Variants in CTIF observed in about 807,000 individuals in gnomAD.
CTIF encodes the protein CBP80/20-dependent translation initiation factor.
In CTIF, 21 loss-of-function variants were observed where a neutral mutation model predicts 66.0. That is an observed-to-expected ratio of 0.32 (90% CI 0.23 to 0.46). The LOEUF is 0.46. CTIF is among the 20% of genes least tolerant of loss of function. The probability of loss-of-function intolerance (pLI) is 1.00; values close to 1 mark genes in which losing one functional copy is unlikely to be tolerated. For missense variants in CTIF, 739 were observed against 812.7 expected, an observed-to-expected ratio of 0.91 and a Z score of 1.10; for synonymous variants, 345 against 326.4, an observed-to-expected ratio of 1.06 and a Z score of -0.62.
chr18:48,674,916 G>A (rs550675998), intron 6 of CTIF, among the ~76,000 whole-genome samples: 75 of 152,328 alleles, frequency 4.9e-4, no homozygotes, highest in African/African-American at 1.5e-3. Context: ...GAGCAGGTAC[G>A]CTGGGATAGG....
intron 6 of CTIF, among the ~76,000 whole-genome samples, chr18:48,701,530 T>TACCCCAGCCACACTGGGGGC (rs1555676357): frequency 7.3e-5 from 11 of 151,488 alleles, no homozygotes; most frequent in African/African-American, 2.4e-4. Context: ...AGTGCCTCCG[T>TACCCCAGCCACACTGGGGGC]CCCCCAGCCC....
intron 9 of CTIF, among the ~76,000 whole-genome samples, chr18:48,796,198 G>A (rs2067913449): frequency 6.6e-6 from 1 of 150,512 alleles, no homozygotes; most frequent in Admixed American, 6.7e-5. Flanking sequence ...ATTTGAGATG[G>A]AGTCTCACTC....
chr18:48,682,023 TG>T (rs564765936), intron 6 of CTIF, among the ~76,000 whole-genome samples: 6 of 151,978 alleles, frequency 3.9e-5, no homozygotes, highest in Non-Finnish European at 7.4e-5. Context: ...TGAGCTCAGG[TG>T]ATCCACCTGC....
intron 1 of CTIF, among the ~76,000 whole-genome samples, chr18:48,570,259 G>A (rs1337198848): frequency 6.6e-6 from 1 of 152,212 alleles, no homozygotes; most frequent in Non-Finnish European, 1.5e-5. Context: ...TTCTCAGCGG[G>A]TAAAAGCCAA....
chr18:48,794,564 T>C (rs898244200), intron 9 of CTIF, among the ~76,000 whole-genome samples: 21 of 152,174 alleles, frequency 1.4e-4, no homozygotes, highest in African/African-American at 5.1e-4. Flanking sequence ...AGTAGCCAAC[T>C]GCCTGAGGTG....
chr18:48,575,405 T>C (rs1400113265), intron 1 of CTIF, among the ~76,000 whole-genome samples: 1 of 152,138 alleles, frequency 6.6e-6, no homozygotes, highest in Non-Finnish European at 1.5e-5. Context: ...TGACAGAGAC[T>C]CTTGGCAAAA....
chr18:48,712,072 T>C (rs1472092779), intron 7 of CTIF, among the ~76,000 whole-genome samples: 1 of 152,140 alleles, frequency 6.6e-6, no homozygotes, highest in East Asian at 1.9e-4. Context: ...TTTTGAGACA[T>C]GGCCTCCAGG....
At chr18:48,764,664 C>T (rs542597732) in intron 9 of CTIF, among the ~76,000 whole-genome samples, 2 of 152,270 alleles carry the variant, frequency 1.3e-5, no homozygotes, top group African/African-American at 2.4e-5. Flanking sequence ...CTCCTCCTCT[C>T]CTCCCCCACA....
intron 9 of CTIF, among the ~76,000 whole-genome samples, chr18:48,768,864 G>C (rs963509807): frequency 8.5e-5 from 13 of 152,162 alleles, no homozygotes; most frequent in East Asian, 3.9e-4. Flanking sequence ...GGTCCCTGCT[G>C]TTGCGCTCCA....
chr18:48,728,278 T>C (rs548465282), intron 7 of CTIF, among the ~76,000 whole-genome samples: 1 of 152,294 alleles, frequency 6.6e-6, no homozygotes, highest in South Asian at 2.1e-4. Context: ...TCACTAAGAA[T>C]CACCCCAGAA....
At chr18:48,732,027 A>G (rs1055690109) in intron 7 of CTIF, among the ~76,000 whole-genome samples, 2 of 152,252 alleles carry the variant, frequency 1.3e-5, no homozygotes, top group East Asian at 3.8e-4. Flanking sequence ...CCATTGGCCA[A>G]TTCTTGTTGT....
intron 2 of CTIF, among the ~76,000 whole-genome samples, chr18:48,636,201 C>A (rs1211979442): frequency 2.6e-5 from 4 of 152,144 alleles, no homozygotes; most frequent in African/African-American, 9.7e-5. Flanking sequence ...CTAGGAAGAC[C>A]AATACATACC....
rs550186960 is a variant in CTIF at position 48,761,331 on chromosome 18, C to T, written c.1072-59C>T. The T allele has an allele frequency of 2.6e-6, 4 of 1,554,084 alleles. No individual in the cohort carries two copies. Among genetic ancestry groups the T allele is most frequent in the Admixed American group, 3.4e-5 (2 of 58,594 alleles). On this transcript the variant is annotated intron_variant, in intron 8 of 11. Transcript: ENST00000256413. This position sits in a 1 kb window ranked among gnomAD's most constrained non-coding sequence, Gnocchi z 4.2. ...TGGCCACCCTCTTTCCACCAGGCCACCCCTGCACAGAGACCTCGGCTTCAC... is the reference window on the plus strand; with the variant it reads ...TGGCCACCCTCTTTCCACCAGGCCATCCCTGCACAGAGACCTCGGCTTCAC...
At chr18:48,658,615 C>T (rs2091286344) in intron 3 of CTIF, among the ~76,000 whole-genome samples, 1 of 151,556 alleles carries the variant, frequency 6.6e-6, no homozygotes. Flanking sequence ...GTATGTGTGT[C>T]TGGTATGTAT....
intron 3 of CTIF, among the ~76,000 whole-genome samples, chr18:48,648,251 A>G (rs1017975786): frequency 1.3e-5 from 2 of 152,136 alleles, no homozygotes; most frequent in African/African-American, 4.8e-5. Flanking sequence ...CTTAATTCAA[A>G]GAAAAAGGGA....
At chr18:48,811,482 A>G (rs1449746453) in intron 9 of CTIF, among the ~76,000 whole-genome samples, 1 of 152,188 alleles carries the variant, frequency 6.6e-6, no homozygotes, top group Non-Finnish European at 1.5e-5. Flanking sequence ...TCAATAGTGT[A>G]GAGTCACATT....
At chr18:48,577,389 C>T (rs1375897601) in intron 1 of CTIF, among the ~76,000 whole-genome samples, 4 of 152,224 alleles carry the variant, frequency 2.6e-5, no homozygotes, top group Non-Finnish European at 5.9e-5. Context: ...CACACCTGGA[C>T]TTCCCTTCTG....
At chr18:48,834,201 A>G (rs1384502754) in intron 10 of CTIF, among the ~76,000 whole-genome samples, 1 of 152,204 alleles carries the variant, frequency 6.6e-6, no homozygotes, top group African/African-American at 2.4e-5. Flanking sequence ...GAGCAGCAGC[A>G]TGTAACCAGG....
At position 48,660,347 on chromosome 18, in the gene CTIF, C is replaced by G. The variant is rs553473744; in HGVS notation, c.253-3405C>G. Among the ~76,000 whole-genome samples, 7 of 152,348 alleles carry G rather than the reference C, an allele frequency of 4.6e-5. No homozygotes were observed. In the South Asian group the frequency reaches 1.4e-3, roughly 32 times the overall value. On this transcript the variant is annotated intron_variant, in intron 3 of 11. Coordinates refer to ENST00000256413, the MANE Select transcript of CTIF (RefSeq NM_014772.3). Reference sequence around the variant, plus strand: ...CTGCTCCCCAGCTGGGCCATGGTCCCTCTCCCCAGGCTTCTGTTTTTCACC... The same window carrying G: ...CTGCTCCCCAGCTGGGCCATGGTCCGTCTCCCCAGGCTTCTGTTTTTCACC...
Sources: gnomAD v4.1 joint callset for allele counts (sites outside exome capture counted in the v4.1 genomes callset) on GRCh38, gnomAD v4.1.1 for gene constraint, Gnocchi (gnomAD v3.1) non-coding constraint, MANE v1.5 for transcripts, NCBI Gene and HGNC (gene_info 2026-07-23, HGNC 2026-07-21) for gene names.